INPP4A: variants seen among roughly 807,000 people sequenced by gnomAD.
The protein encoded by INPP4A is inositol polyphosphate-4-phosphatase, type I, 107kD.
Under a neutral mutation model 119.8 loss-of-function variants are expected in INPP4A, and 33 were observed. The ratio of observed to expected loss-of-function variants is 0.28; its 90% CI spans 0.21 to 0.37. The LOEUF (loss-of-function observed/expected upper bound fraction) is 0.37, where lower values mean the gene tolerates loss of function less well. Among genes scored for constraint, INPP4A ranks in the 10% least tolerant of loss-of-function variants. INPP4A has a pLI of 1.00. For synonymous variants in INPP4A, 496 were observed against 500.7 expected, an observed-to-expected ratio of 0.99 and a Z score of 0.12; for missense variants, 956 against 1,289.9, an observed-to-expected ratio of 0.74 and a Z score of 3.97.
Position 98,569,015 on chromosome 2 carries a change from G to T in INPP4A, c.2518+347G>T, listed in dbSNP as rs534182419. On this transcript the variant is annotated intron_variant, in intron 22 of 24. Coordinates refer to ENST00000409851, the MANE Select transcript of INPP4A (RefSeq NM_001134225.2). This position sits in a 1 kb window ranked among gnomAD's most constrained non-coding sequence, Gnocchi z 5.1. ...AGGACCCACCCTCGGCCAGGTGAGC[G>T]GCCCACTCACTTCCCTTTGTGGTGC... is the stretch of plus-strand genomic sequence containing the variant. The T allele has an allele frequency of 1.2e-4, 26 of 208,158 alleles. No individual in the cohort carries two copies. Among genetic ancestry groups the T allele is most frequent in the South Asian group, 8.7e-4 (10 of 11,478 alleles). The allele number at this position is 208,158 out of a possible 1,614,324, so 12.9% of individuals were successfully genotyped here.
intron 5 of INPP4A, among the ~76,000 whole-genome samples, chr2:98,534,944 G>T (rs1689950525): frequency 6.6e-6 from 1 of 152,228 alleles, no homozygotes. Flanking sequence ...CTTGGAAAGG[G>T]AGTCAGAGGT....
At chr2:98,530,781 A>G (rs1158491747) in intron 4 of INPP4A, among the ~76,000 whole-genome samples, 1 of 152,266 alleles carries the variant, frequency 6.6e-6, no homozygotes, top group East Asian at 1.9e-4. Flanking sequence ...GGCTGTATAT[A>G]TTAGAGTTAA....
At chr2:98,489,701 TC>T (rs1305758433) in intron 1 of INPP4A, among the ~76,000 whole-genome samples, 1 of 152,172 alleles carries the variant, frequency 6.6e-6, no homozygotes, top group Non-Finnish European at 1.5e-5. Flanking sequence ...AAACTCTGCT[TC>T]CTCTTCTTCT....
In INPP4A at chr2:98,497,281, A is replaced by G. The variant is rs539676379; in HGVS notation, c.-165-21683A>G. Among the ~76,000 whole-genome samples the G allele has an allele frequency of 6.6e-5, 10 of 152,342 alleles. No homozygotes were observed. In the South Asian group the frequency reaches 2.1e-3, roughly 32 times the overall value. ...GGAAACTCCTGGGTGTCCAGGTAGAAGTTTGCTGCACAGGTGGGGCCCTCA... is the reference window on the plus strand; with the variant it reads ...GGAAACTCCTGGGTGTCCAGGTAGAGGTTTGCTGCACAGGTGGGGCCCTCA... On this transcript the variant is annotated intron_variant, in intron 1 of 24. Transcript: ENST00000409851.
chr2:98,512,137 G>A (rs1260452609), intron 1 of INPP4A, among the ~76,000 whole-genome samples: 6 of 152,242 alleles, frequency 3.9e-5, no homozygotes, highest in Non-Finnish European at 8.8e-5. Flanking sequence ...TCACAGGGCT[G>A]ACAGCCCATG....
In INPP4A at chr2:98,569,602, C is replaced by G. The variant is rs958978188; in HGVS notation, c.2518+934C>G. The G allele has an allele frequency of 6.6e-6, 1 of 152,214 alleles. No individual in the cohort carries two copies. The highest frequency in any genetic ancestry group is 1.5e-5 in the Non-Finnish European group (1 of 68,062). The allele number at this position is 152,214 out of a possible 1,614,324, so 9.4% of individuals were successfully genotyped here. A position where few individuals can be genotyped will look rare whatever the true frequency, so the allele number is the denominator to read the frequency against. Reference sequence around the variant, plus strand: ...TCACAGGTCACGGATGTGCCAGACACTGGGCTGGGCTCTACATACGTTTCC... The same window carrying G: ...TCACAGGTCACGGATGTGCCAGACAGTGGGCTGGGCTCTACATACGTTTCC... On this transcript the variant is annotated intron_variant, in intron 22 of 24. Coordinates refer to ENST00000409851, the MANE Select transcript of INPP4A (RefSeq NM_001134225.2). This position sits in a 1 kb window ranked among gnomAD's most constrained non-coding sequence, Gnocchi z 5.1.
chr2:98,553,034 C>T lies in INPP4A; in HGVS notation c.1347+65C>T. 5 of 1,349,322 alleles carry T rather than the reference C, an allele frequency of 3.7e-6. No homozygotes were observed. The South Asian group carries it at 5.5e-5, about 15-fold the overall frequency. 83.6% of individuals were successfully genotyped at this position (1,349,322 alleles called of 1,614,324 possible). A position where few individuals can be genotyped will look rare whatever the true frequency, so the allele number is the denominator to read the frequency against. On this transcript the variant is annotated intron_variant, in intron 14 of 24. Transcript: ENST00000409851. ...CCTTGGGTTTCTGGAAGCCACCAGG[C>T]AGCCCAGGTGTACCTAAGATGGTCC...
In INPP4A at chr2:98,498,408, A is replaced by G. The variant is rs117317408; in HGVS notation, c.-165-20556A>G. ...CTGCTATGATTGTGAGGCCTCCCCA[A>G]CCACATGGAACTGAGTCCATTAAAT... On this transcript the variant is annotated intron_variant, in intron 1 of 24. Coordinates refer to ENST00000409851, the MANE Select transcript of INPP4A (RefSeq NM_001134225.2). Among the ~76,000 whole-genome samples the G allele has an allele frequency of 3.4e-3, 519 of 152,190 alleles. 6 individuals are homozygous for G. The highest frequency in any genetic ancestry group is 0.02 in the East Asian group (101 of 5,166).
chr2:98,576,187 GA>G (rs975767102), intron 23 of INPP4A, among the ~76,000 whole-genome samples: 1 of 152,164 alleles, frequency 6.6e-6, no homozygotes, highest in African/African-American at 2.4e-5. Flanking sequence ...AGATTTACAT[GA>G]AAAAATTACC....
chr2:98,528,768 G>T (rs1318435173), intron 4 of INPP4A, among the ~76,000 whole-genome samples: 1 of 152,154 alleles, frequency 6.6e-6, no homozygotes, highest in African/African-American at 2.4e-5. Context: ...ACTGCTGAAA[G>T]AAAAAGACAA....
At chr2:98,575,975 A>G (rs1047761889) in intron 23 of INPP4A, among the ~76,000 whole-genome samples, 1 of 152,234 alleles carries the variant, frequency 6.6e-6, no homozygotes, top group African/African-American at 2.4e-5. Flanking sequence ...TGTAAGTAAT[A>G]TGGTGCCCAT....
At position 98,555,643 on chromosome 2, in the gene INPP4A, G is replaced by A. The variant is rs1001830596; in HGVS notation, c.1657G>A (p.Gly553Ser). The change falls in exon 16 of 25, where the codon GGC (glycine) becomes AGC (serine). Residue 553 changes from glycine (G) to serine (S), a missense_variant. Gly to Ser is a moderately conservative substitution (Grantham distance 56). Around this residue, in one of 2 missense-constraint regions of INPP4A, gnomAD observed 652 missense variants for 797.9 expected, o/e 0.82. Transcript: ENST00000409851. ...GCAGAAGGAGCGGCTGCATGGCGAG[G>A]GCTGTGAGGATGTCTTCCCCTGTGC... ...LLQKERLHGE[G>S]CEDVFPCAGS... 2 of 1,613,834 alleles carry A rather than the reference G, an allele frequency of 1.2e-6. No individual in the cohort carries two copies. The highest frequency in any genetic ancestry group is 1.1e-5 in the South Asian group (1 of 91,084).
chr2:98,559,223 A>G (rs1277889283), intron 16 of INPP4A, among the ~76,000 whole-genome samples: 1 of 152,254 alleles, frequency 6.6e-6, no homozygotes, highest in African/African-American at 2.4e-5. Context: ...GGCAACATGA[A>G]TGTTTAAGCT....
chr2:98,504,795 G>A (rs1488203533), intron 1 of INPP4A, among the ~76,000 whole-genome samples: 3 of 152,216 alleles, frequency 2.0e-5, no homozygotes, highest in African/African-American at 4.8e-5. Context: ...TCTGAAGCAC[G>A]TTATTATTAA....
intron 4 of INPP4A, among the ~76,000 whole-genome samples, chr2:98,530,030 C>G (rs917892716): frequency 1.3e-5 from 2 of 151,942 alleles, no homozygotes; most frequent in Admixed American, 6.6e-5. Context: ...AGCAGCAAGC[C>G]AGAAGCAACA....
In INPP4A at chr2:98,460,883, G is replaced by A. The variant is rs74618042; in HGVS notation, c.-166+15798G>A. On this transcript the variant is annotated intron_variant, in intron 1 of 24. Transcript: ENST00000409851. Reference sequence around the variant, plus strand: ...CGTCTGCGCCCCCTCTAATCCACCTGTGAAACACTGTGCTGAAACACCATG... The same window carrying A: ...CGTCTGCGCCCCCTCTAATCCACCTATGAAACACTGTGCTGAAACACCATG... Among the ~76,000 whole-genome samples the A allele has an allele frequency of 6.6e-4, 101 of 152,336 alleles. 2 individuals are homozygous for A. The East Asian group carries it at 0.01, about 15-fold the overall frequency.
At chr2:98,515,659 G>A (rs1412418773) in intron 1 of INPP4A, among the ~76,000 whole-genome samples, 1 of 152,228 alleles carries the variant, frequency 6.6e-6, no homozygotes, top group Non-Finnish European at 1.5e-5. Flanking sequence ...GCTCTGATGT[G>A]TTAATCCTCA....
intron 7 of INPP4A, among the ~76,000 whole-genome samples, chr2:98,536,571 A>G (rs751056779): frequency 5.9e-5 from 9 of 152,174 alleles, no homozygotes; most frequent in Non-Finnish European, 8.8e-5. Context: ...CCAGACACCT[A>G]GAATGTGTCT....
At chr2:98,506,298 A>C (rs1157250182) in intron 1 of INPP4A, among the ~76,000 whole-genome samples, 1 of 152,260 alleles carries the variant, frequency 6.6e-6, no homozygotes, top group Non-Finnish European at 1.5e-5. Flanking sequence ...CGGAAAGAGC[A>C]CTGGACTAGT....
Sources: gnomAD v4.1 joint callset for allele counts (sites outside exome capture counted in the v4.1 genomes callset) on GRCh38, gnomAD v4.1.1 for gene constraint, gnomAD v4.1.1 regional missense constraint, Gnocchi (gnomAD v3.1) non-coding constraint, MANE v1.5 for transcripts, NCBI Gene and HGNC (gene_info 2026-07-23, HGNC 2026-07-21) for gene names.